Variants in NEK10 observed in about 807,000 individuals in gnomAD.
NEK10 encodes the protein NIMA related kinase 10, also known as serine/threonine-protein kinase Nek10.
In NEK10, 122 loss-of-function variants were observed where a neutral mutation model predicts 159.8. That is an observed-to-expected ratio of 0.76 (90% CI 0.66 to 0.89). NEK10 has a LOEUF of 0.89. Ranked by LOEUF, NEK10 falls within the 40% of genes least tolerant of loss-of-function variation. NEK10 has a pLI of 0.00. For missense variants in NEK10, 1,342 were observed against 1,323.1 expected, an observed-to-expected ratio of 1.01 and a Z score of -0.22; for synonymous variants, 466 against 457.1, an observed-to-expected ratio of 1.02 and a Z score of -0.25.
At chr3:27,151,746 A>T (rs1944895673) in intron 30 of NEK10, among the ~76,000 whole-genome samples, 1 of 152,214 alleles carries the variant, frequency 6.6e-6, no homozygotes, top group Non-Finnish European at 1.5e-5. Flanking sequence ...AGTGCAAGGA[A>T]ATCCAAAACA....
chr3:27,290,251 G>C (rs1027437176), intron 19 of NEK10, among the ~76,000 whole-genome samples: 5 of 152,064 alleles, frequency 3.3e-5, no homozygotes, highest in African/African-American at 4.8e-5. Flanking sequence ...GTTCCATTTG[G>C]CAAAAGTCAA....
chr3:27,288,285 A>G (rs2042760983), intron 19 of NEK10, among the ~76,000 whole-genome samples: 1 of 152,232 alleles, frequency 6.6e-6, no homozygotes, highest in African/African-American at 2.4e-5. Context: ...ATAACAGTTG[A>G]CAAGGACTTC....
intron 1 of NEK10, among the ~76,000 whole-genome samples, chr3:27,353,144 T>C (rs1165324625): frequency 6.6e-6 from 1 of 152,180 alleles, no homozygotes; most frequent in East Asian, 1.9e-4. Flanking sequence ...AAAAGATAAG[T>C]ATGGGTTTGC....
At chr3:27,247,190 C>T (rs1028865476) in intron 23 of NEK10, among the ~76,000 whole-genome samples, 3 of 152,120 alleles carry the variant, frequency 2.0e-5, no homozygotes, top group African/African-American at 7.2e-5. Flanking sequence ...GTTAACATCC[C>T]TGTCATGTTC....
intron 22 of NEK10, among the ~76,000 whole-genome samples, chr3:27,256,599 T>A (rs899482100): frequency 3.9e-5 from 6 of 152,140 alleles, no homozygotes; most frequent in Admixed American, 3.9e-4. Flanking sequence ...TGTGATTCCA[T>A]TTTTTAGGTT....
chr3:27,340,408 G>A (rs1213589261), intron 5 of NEK10, among the ~76,000 whole-genome samples: 1 of 151,912 alleles, frequency 6.6e-6, no homozygotes, highest in Non-Finnish European at 1.5e-5. Flanking sequence ...CCTAATGCAT[G>A]TGGGGCTTAA....
Position 27,109,544 on chromosome 3 carries a change from T to C in NEK10, c.*1728A>G, listed in dbSNP as rs1386736198. 6.6e-6 allele frequency among the ~76,000 whole-genome samples: 1 copy of C among 152,190 alleles called. No individual in the cohort carries two copies. The highest frequency in any genetic ancestry group is 6.5e-5 in the Admixed American group (1 of 15,272). ...TCTTTCCTAAATTCTGTTTACTATA[T>C]ACTACCATTTGGGAAATAACTTGAT... On this transcript the variant is annotated 3_prime_UTR_variant, in exon 36 of 36. Coordinates refer to ENST00000691995, the MANE Select transcript of NEK10 (RefSeq NM_001394966.1).
At chr3:27,155,683 G>A (rs1263793548) in intron 30 of NEK10, among the ~76,000 whole-genome samples, 1 of 152,062 alleles carries the variant, frequency 6.6e-6, no homozygotes, top group African/African-American at 2.4e-5. Flanking sequence ...TCAGGGATGA[G>A]TAGAATCAAT....
chr3:27,120,806 A>G (rs1298462091), intron 32 of NEK10, among the ~76,000 whole-genome samples: 1 of 152,216 alleles, frequency 6.6e-6, no homozygotes, highest in East Asian at 1.9e-4. Context: ...TTTAGACCGT[A>G]AACGTTTTTC....
intron 33 of NEK10, among the ~76,000 whole-genome samples, chr3:27,117,565 T>G (rs974061341): frequency 4.6e-5 from 7 of 152,236 alleles, no homozygotes; most frequent in African/African-American, 1.7e-4. Context: ...GATTTGCGTT[T>G]CTCTAATGAT....
At chr3:27,301,347 C>T (rs923806308) in intron 13 of NEK10, among the ~76,000 whole-genome samples, 2 of 152,116 alleles carry the variant, frequency 1.3e-5, no homozygotes, top group Non-Finnish European at 2.9e-5. Flanking sequence ...ATGTAGGGTG[C>T]CCTGGGATCT....
intron 23 of NEK10, among the ~76,000 whole-genome samples, chr3:27,245,813 A>G (rs184364054): frequency 4.9e-4 from 74 of 152,226 alleles, no homozygotes; most frequent in Admixed American, 1.6e-3. Context: ...TTTTGACCAC[A>G]CCCCTCCCAC....
chr3:27,314,302 C>G lies in NEK10; in HGVS notation c.484G>C (p.Ala162Pro). The change falls in exon 7 of 36, where the codon GCT (alanine) becomes CCT (proline). Residue 162 changes from alanine to proline, a missense_variant. Transcript: ENST00000691995. ...LHSLGGIENL[A>P]QYMEIVANEY... Reference sequence around the variant, plus strand: ...CACCACAAAAGGAATCTTACCTGAGCTAGGTTTTCAATCCCACCCAAGCTA... The same window carrying G: ...CACCACAAAAGGAATCTTACCTGAGGTAGGTTTTCAATCCCACCCAAGCTA... 6.2e-7 allele frequency: 1 copy of G among 1,602,068 alleles called. No homozygotes were observed. Among genetic ancestry groups the G allele is most frequent in the South Asian group, 1.1e-5 (1 of 88,660 alleles).
chr3:27,131,167 A>T lies in NEK10; in HGVS notation c.3081+713T>A, dbSNP rs536831535. Among the ~76,000 whole-genome samples, 15 of 152,250 alleles carry T rather than the reference A, an allele frequency of 9.9e-5. No individual in the cohort carries two copies. In the South Asian group the frequency reaches 1.5e-3, roughly 15 times the overall value. On this transcript the variant is annotated intron_variant, in intron 32 of 35. Transcript: ENST00000691995. ...ATTTAAAAATATGATGAAACTTTTTAAAAAATATGAAATTGGAGTGCTACC... is the reference window on the plus strand; with the variant it reads ...ATTTAAAAATATGATGAAACTTTTTTAAAAATATGAAATTGGAGTGCTACC...
intron 31 of NEK10, among the ~76,000 whole-genome samples, chr3:27,137,435 C>T (rs1943334000): frequency 2.6e-5 from 4 of 152,106 alleles, no homozygotes; most frequent in Admixed American, 2.6e-4. Flanking sequence ...GGATATTTCT[C>T]TCAATTGAAT....
intron 30 of NEK10, among the ~76,000 whole-genome samples, chr3:27,146,429 G>GA (rs1243829331): frequency 6.6e-6 from 1 of 151,898 alleles, no homozygotes; most frequent in African/African-American, 2.4e-5. Flanking sequence ...GACAACTGGA[G>GA]AAAAAAAGGG....
intron 15 of NEK10, among the ~76,000 whole-genome samples, chr3:27,295,179 C>A (rs1232415902): frequency 6.6e-6 from 1 of 152,192 alleles, no homozygotes; most frequent in Admixed American, 6.5e-5. Context: ...TTGGTGCATG[C>A]TGTTCCCTCT....
At chr3:27,134,965 C>T (rs2125539136) in intron 31 of NEK10, among the ~76,000 whole-genome samples, 1 of 152,176 alleles carries the variant, frequency 6.6e-6, no homozygotes, top group East Asian at 1.9e-4. Flanking sequence ...CCACGACAAA[C>T]TTATAAAGCA....
intron 23 of NEK10, among the ~76,000 whole-genome samples, chr3:27,203,570 T>C (rs1950226676): frequency 7.0e-6 from 1 of 142,780 alleles, no homozygotes; most frequent in African/African-American, 2.5e-5. Flanking sequence ...GTACTAAAAG[T>C]ACTCAACACA....
Sources: gnomAD v4.1 joint callset for allele counts (sites outside exome capture counted in the v4.1 genomes callset) on GRCh38, gnomAD v4.1.1 for gene constraint, MANE v1.5 for transcripts, NCBI Gene and HGNC (gene_info 2026-07-23, HGNC 2026-07-21) for gene names.